FSIP1: variants seen among roughly 807,000 people sequenced by gnomAD.
FSIP1 encodes the protein fibrous sheath interacting protein 1.
FSIP1 carries 65 observed loss-of-function variants against 60.9 expected under a neutral mutation model. The ratio of observed to expected loss-of-function variants is 1.07; its 90% CI spans 0.87 to 1.31. FSIP1 has a LOEUF of 1.31. FSIP1 is among the 40% of genes most tolerant of loss of function. The pLI, the probability that FSIP1 is intolerant of heterozygous loss-of-function variation, is 0.00. For synonymous variants in FSIP1, 209 were observed against 221.2 expected (o/e 0.94, Z 0.49); for missense variants, 675 against 665.5 (o/e 1.01, Z -0.16).
intron 10 of FSIP1, among the ~76,000 whole-genome samples, chr15:39,682,618 A>C (rs1219822180): frequency 6.6e-6 from 1 of 152,174 alleles, no homozygotes; most frequent in African/African-American, 2.4e-5. Flanking sequence ...CAGAAAACAA[A>C]ATTCCTTGGA....
chr15:39,741,740 A>C, intron 6 of FSIP1, 65 bp downstream of exon 6: 1 of 789,458 alleles, frequency 1.3e-6, no homozygotes, highest in Non-Finnish European at 2.2e-6. Flanking sequence ...TCATTTATGA[A>C]TATTTCTGTA....
intron 1 of FSIP1, among the ~76,000 whole-genome samples, chr15:39,780,943 T>C (rs545148720): frequency 1.3e-4 from 20 of 152,266 alleles, no homozygotes; most frequent in African/African-American, 4.8e-4. Context: ...AAAAATTTCT[T>C]AGATACAACA....
intron 5 of FSIP1, among the ~76,000 whole-genome samples, chr15:39,743,239 G>A (rs1165045332): frequency 6.6e-6 from 1 of 152,190 alleles, no homozygotes; most frequent in East Asian, 1.9e-4. Context: ...TGAGACCAGT[G>A]TCATGCAGGT....
chr15:39,773,566 G>T (rs2140727872), intron 2 of FSIP1, among the ~76,000 whole-genome samples: 1 of 152,242 alleles, frequency 6.6e-6, no homozygotes, highest in South Asian at 2.1e-4. Context: ...TCATGAAGTT[G>T]CTGCTTAAAA....
chr15:39,716,308 T>G (rs1315586199), intron 9 of FSIP1, among the ~76,000 whole-genome samples: 1 of 152,166 alleles, frequency 6.6e-6, no homozygotes, highest in Non-Finnish European at 1.5e-5. Context: ...TGATTTTTTC[T>G]AAATCTTGGG....
intron 8 of FSIP1, among the ~76,000 whole-genome samples, chr15:39,733,213 T>C (rs755457550): frequency 6.6e-6 from 1 of 152,152 alleles, no homozygotes. Flanking sequence ...GTATTTTTAG[T>C]AGAGATGGGG....
chr15:39,745,713 C>T (rs1371358208), intron 5 of FSIP1, among the ~76,000 whole-genome samples: 1 of 152,166 alleles, frequency 6.6e-6, no homozygotes, highest in Non-Finnish European at 1.5e-5. Context: ...CTGGAGAAAA[C>T]ACATGCAGAC....
chr15:39,607,225 T>TTTTTACATGGACA (rs1267577817), intron 11 of FSIP1, among the ~76,000 whole-genome samples: 1 of 152,152 alleles, frequency 6.6e-6, no homozygotes, highest in East Asian at 1.9e-4. Context: ...TCCACCCTAT[T>TTTTTACATGGACA]GGTTTTACAT....
intron 8 of FSIP1, among the ~76,000 whole-genome samples, chr15:39,731,702 T>C (rs1281363423): frequency 6.6e-6 from 1 of 152,190 alleles, no homozygotes; most frequent in African/African-American, 2.4e-5. Context: ...GAAACTTACC[T>C]TCCCAAGACA....
intron 9 of FSIP1, among the ~76,000 whole-genome samples, chr15:39,725,806 A>G (rs1184685727): frequency 1.3e-5 from 2 of 149,520 alleles, no homozygotes; most frequent in Non-Finnish European, 3.0e-5. Flanking sequence ...TTTTTTTGAC[A>G]GAGAATCTCG....
At chr15:39,696,573 A>G (rs1006063587) in intron 10 of FSIP1, among the ~76,000 whole-genome samples, 8 of 152,200 alleles carry the variant, frequency 5.3e-5, no homozygotes, top group Non-Finnish European at 1.0e-4. Context: ...CAAACTCTAC[A>G]CATACACTCT....
rs753412792 is a variant in FSIP1, at chr15:39,634,090, G to A, written c.1189-15845C>T. 6.6e-5 allele frequency among the ~76,000 whole-genome samples: 10 copies of A among 152,110 alleles called. No individual in the cohort carries two copies. The East Asian group carries it at 9.6e-4, about 15-fold the overall frequency. The stretch of plus-strand genomic sequence containing the variant: ...GGCTGTCCCCTCTACCTGCACACAA[G>A]AGACCACCTTGTCTTGCCTACTCAA... On this transcript the variant is annotated intron_variant, in intron 10 of 11. Transcript: ENST00000350221.
chr15:39,762,690 G>A (rs2140700753), intron 5 of FSIP1, among the ~76,000 whole-genome samples: 1 of 152,308 alleles, frequency 6.6e-6, no homozygotes, highest in South Asian at 2.1e-4. Context: ...TCTAAGGGAA[G>A]CAGAAACTGC....
chr15:39,776,581 T>C, intron 1 of FSIP1, 50 bp from the exon 2 acceptor site: 1 of 1,464,508 alleles, frequency 6.8e-7, no homozygotes, highest in Non-Finnish European at 9.4e-7. Context: ...GATATTTAAA[T>C]CTTTCATTAG....
chr15:39,736,065 G>A (rs935923152), intron 8 of FSIP1, among the ~76,000 whole-genome samples: 3 of 152,220 alleles, frequency 2.0e-5, no homozygotes, highest in African/African-American at 7.2e-5. Context: ...GTAAGTACAA[G>A]GAGCACACTC....
intron 10 of FSIP1, among the ~76,000 whole-genome samples, chr15:39,649,300 AT>A (rs1566868776): frequency 6.6e-6 from 1 of 152,218 alleles, no homozygotes; most frequent in Admixed American, 6.5e-5. Flanking sequence ...TGACAGAGTA[AT>A]TTATCCTAAA....
intron 5 of FSIP1, among the ~76,000 whole-genome samples, chr15:39,746,974 A>G (rs539334774): frequency 6.7e-6 from 1 of 149,764 alleles, no homozygotes; most frequent in Non-Finnish European, 1.5e-5. Context: ...TTTTCCTGTT[A>G]GACCCTAATG....
chr15:39,651,164 A>C (rs866247743), intron 10 of FSIP1, among the ~76,000 whole-genome samples: 33 of 152,338 alleles, frequency 2.2e-4, no homozygotes, highest in Middle Eastern at 3.4e-3. Flanking sequence ...TTCAGGTTCT[A>C]GTGGATGAAC....
At chr15:39,605,557 A>G (rs1195609751) in intron 11 of FSIP1, among the ~76,000 whole-genome samples, 1 of 152,198 alleles carries the variant, frequency 6.6e-6, no homozygotes, top group Non-Finnish European at 1.5e-5. Context: ...GGAGACTTAC[A>G]ACATGGAATG....
Sources: allele counts gnomAD v4.1 joint callset (sites outside exome capture counted in the v4.1 genomes callset), GRCh38; gene constraint gnomAD v4.1.1; transcripts MANE v1.5; gene names NCBI Gene and HGNC (gene_info 2026-07-23, HGNC 2026-07-21).